The following CLNK variants were observed in gnomAD, a reference collection of about 807,000 sequenced individuals.
CLNK encodes cytokine dependent hematopoietic cell linker.
A neutral mutation model predicts 68.6 loss-of-function variants in CLNK; 74 were observed. The observed-to-expected ratio is 1.08, with a 90% CI of 0.89 to 1.31. The LOEUF is 1.31. Ranked by LOEUF, CLNK falls within the 50% of genes most tolerant of loss-of-function variation. CLNK has a pLI of 0.00. For missense variants in CLNK, 553 were observed against 515.3 expected (o/e 1.07, Z -0.71); for synonymous variants, 198 against 172.2 (o/e 1.15, Z -1.17).
intron 16 of CLNK, among the ~76,000 whole-genome samples, chr4:10,511,679 A>G (rs1241279918): frequency 1.3e-5 from 2 of 152,192 alleles, no homozygotes; most frequent in Non-Finnish European, 2.9e-5. Flanking sequence ...TGTATATTGT[A>G]TCACGTTAGA....
intron 18 of CLNK, among the ~76,000 whole-genome samples, chr4:10,491,357 T>G (rs753701448): frequency 1.2e-4 from 16 of 130,484 alleles, no homozygotes; most frequent in Non-Finnish European, 1.8e-4. Flanking sequence ...AGCAAAAATA[T>G]AGAAGATGTA....
At chr4:10,510,350 A>T (rs2109035080) in intron 16 of CLNK, among the ~76,000 whole-genome samples, 1 of 152,310 alleles carries the variant, frequency 6.6e-6, no homozygotes, top group South Asian at 2.1e-4. Context: ...TCTCTTCTTT[A>T]ACAGAAGAAG....
chr4:10,551,987 A>G (rs984505182), intron 8 of CLNK, among the ~76,000 whole-genome samples: 1 of 151,794 alleles, frequency 6.6e-6, no homozygotes, highest in African/African-American at 2.4e-5. Flanking sequence ...AGCTGGGATT[A>G]CAGGTGCGCG....
chr4:10,650,673 T>C (rs1723693126), intron 2 of CLNK, among the ~76,000 whole-genome samples: 1 of 152,150 alleles, frequency 6.6e-6, no homozygotes, highest in Non-Finnish European at 1.5e-5. Context: ...ATAAAGGCTT[T>C]TTTAGCATTA....
chr4:10,637,583 CTTTTTTTTTTTTTTTTTTT>C (rs1158317670), intron 2 of CLNK, among the ~76,000 whole-genome samples: 1 of 71,416 alleles, frequency 1.4e-5, no homozygotes, highest in Non-Finnish European at 2.4e-5. Context: ...CACCATTCCT[CTTTTTTTTTTTTTTTTTTT>C]TTTTTTTTTT....
chr4:10,553,263 A>G (rs979021119), intron 8 of CLNK, among the ~76,000 whole-genome samples: 4 of 152,198 alleles, frequency 2.6e-5, no homozygotes, highest in Non-Finnish European at 5.9e-5. Flanking sequence ...AGCATGGGCC[A>G]AAGAATGTGA....
the CLNK span, among the ~76,000 whole-genome samples, chr4:10,708,401 T>A: frequency 1.3e-5 from 2 of 152,196 alleles, no homozygotes; most frequent in African/African-American, 4.8e-5. Flanking sequence ...TTTTCTATTT[T>A]ACAAATGAGG....
intron 3 of CLNK, among the ~76,000 whole-genome samples, chr4:10,586,604 C>A (rs1172170085): frequency 2.0e-5 from 3 of 152,230 alleles, no homozygotes; most frequent in Admixed American, 6.5e-5. Context: ...TGAGCCACCA[C>A]GCCCAGCTTG....
intron 14 of CLNK, among the ~76,000 whole-genome samples, chr4:10,522,142 C>T (rs1179058718): frequency 1.3e-5 from 2 of 151,552 alleles, no homozygotes; most frequent in African/African-American, 4.9e-5. Flanking sequence ...CCTGTAGTCC[C>T]AGCCACTAGG....
intron 17 of CLNK, among the ~76,000 whole-genome samples, chr4:10,502,066 T>TGGCTCCA (rs1181882206): frequency 1.3e-5 from 2 of 152,264 alleles, no homozygotes; most frequent in African/African-American, 4.8e-5. Context: ...CTCTGGCTCC[T>TGGCTCCA]GGCTCCAGCC....
chr4:10,578,850 G>T (rs1720674985), intron 4 of CLNK, among the ~76,000 whole-genome samples: 1 of 152,080 alleles, frequency 6.6e-6, no homozygotes, highest in South Asian at 2.1e-4. Flanking sequence ...GGCATTACAG[G>T]TGTGCGCCAC....
At chr4:10,598,116 G>A (rs1402218803) in intron 2 of CLNK, 67 bp from the exon 3 acceptor site, 3 of 1,072,858 alleles carry the variant, frequency 2.8e-6, no homozygotes, top group Admixed American at 2.2e-5. Flanking sequence ...TTAATTAAGT[G>A]CATTCATTCA....
chr4:10,655,554 G>A (rs1318359503), intron 2 of CLNK, among the ~76,000 whole-genome samples: 4 of 150,334 alleles, frequency 2.7e-5, no homozygotes, highest in African/African-American at 9.8e-5. Context: ...TCATGGCAAA[G>A]AAAACCTAGA....
At chr4:10,564,840 A>C in intron 6 of CLNK, 63 bp from the exon 7 acceptor site, 7 of 990,312 alleles carry the variant, frequency 7.1e-6, no homozygotes, top group Non-Finnish European at 1.1e-5. Context: ...ACAATTTACA[A>C]AGTATTTGCA....
the CLNK span, among the ~76,000 whole-genome samples, chr4:10,726,335 G>A: frequency 6.6e-6 from 1 of 152,274 alleles, no homozygotes; most frequent in South Asian, 2.1e-4. Flanking sequence ...TGGCCAGGAT[G>A]GTCTCGATCT....
intron 2 of CLNK, among the ~76,000 whole-genome samples, chr4:10,661,898 A>T (rs992046871): frequency 3.3e-5 from 5 of 152,318 alleles, no homozygotes; most frequent in African/African-American, 1.2e-4. Context: ...ATTGCTAAGG[A>T]AATTATAACC....
upstream of CLNK, among the ~76,000 whole-genome samples, chr4:10,685,972 T>C (rs537779114): frequency 5.9e-5 from 9 of 152,160 alleles, no homozygotes; most frequent in Non-Finnish European, 1.2e-4. Flanking sequence ...TGGACCCATA[T>C]TAATTTTCTG....
intron 8 of CLNK, among the ~76,000 whole-genome samples, chr4:10,547,563 G>T (rs180708849): frequency 7.2e-5 from 11 of 152,198 alleles, no homozygotes; most frequent in Admixed American, 5.9e-4. Flanking sequence ...TCAGCTGTAG[G>T]CACTATGTGG....
At chr4:10,578,553 C>A (rs1720657767) in intron 4 of CLNK, among the ~76,000 whole-genome samples, 1 of 143,674 alleles carries the variant, frequency 7.0e-6, no homozygotes, top group African/African-American at 2.6e-5. Flanking sequence ...AACTTTCTGA[C>A]TTCTCTTGGA....
Sources: gnomAD v4.1 joint callset for allele counts (sites outside exome capture counted in the v4.1 genomes callset) on GRCh38, gnomAD v4.1.1 for gene constraint, MANE v1.5 for transcripts, NCBI Gene and HGNC (gene_info 2026-07-23, HGNC 2026-07-21) for gene names.